The following LRRC75A variants were observed in gnomAD, a reference collection of about 807,000 sequenced individuals.
The protein encoded by LRRC75A is leucine rich repeat containing 75A.
In LRRC75A, 12 loss-of-function variants were observed where a neutral mutation model predicts 26.0. That is an observed-to-expected ratio of 0.46 (90% CI 0.30 to 0.75). The LOEUF is 0.75. Among genes scored for constraint, LRRC75A ranks in the 30% least tolerant of loss-of-function variants. The pLI is 0.08. For synonymous variants in LRRC75A, 223 were observed against 219.3 expected (o/e 1.02, Z -0.15); for missense variants, 410 against 486.6 (o/e 0.84, Z 1.48).
At position 16,491,977 on chromosome 17, in the gene LRRC75A, T is replaced by A. The variant is rs2093858580; in HGVS notation, c.14A>T (p.Gln5Leu). 8.4e-7 allele frequency: 1 copy of A among 1,185,990 alleles called. No individual in the cohort carries two copies. Among genetic ancestry groups the A allele is most frequent in the South Asian group, 3.9e-5 (1 of 25,784 alleles). 73.5% of individuals were successfully genotyped at this position (1,185,990 alleles called of 1,614,324 possible). ...TCTCTCCGCCAGGCTGCCCTTGGTC[T>A]GCCGGGTGCCCATGCCGCCGCCGCC... Reference protein sequence around the residue: MGTRQTKGSLAERAS... With the variant: MGTRLTKGSLAERAS... The change falls in exon 1 of 4, where the codon CAG becomes CTG. Residue 5 changes from glutamine (Q) to leucine (L), a missense_variant. Gln to Leu is a moderately radical substitution (Grantham distance 113, BLOSUM62 -2). Coordinates refer to ENST00000470794, the MANE Select transcript of LRRC75A (RefSeq NM_001113567.3). The surrounding 1 kb of genome is among the most constrained non-coding windows in gnomAD (Gnocchi z 5.9).
chr17:16,488,581 C>A (rs190904856), intron 1 of LRRC75A, among the ~76,000 whole-genome samples: 1 of 152,340 alleles, frequency 6.6e-6, no homozygotes, highest in Admixed American at 6.5e-5. Flanking sequence ...CAAAGAAACA[C>A]AACTCAGAGA....
chr17:16,469,030 G>A (rs571041191), intron 1 of LRRC75A, among the ~76,000 whole-genome samples: 1 of 152,200 alleles, frequency 6.6e-6, no homozygotes, highest in Non-Finnish European at 1.5e-5. Flanking sequence ...GTTTCCTTTG[G>A]ATTTACTTTC....
At chr17:16,466,180 G>A (rs950564889) in intron 1 of LRRC75A, among the ~76,000 whole-genome samples, 1 of 152,234 alleles carries the variant, frequency 6.6e-6, no homozygotes, top group Non-Finnish European at 1.5e-5. Context: ...CAGGCTATTG[G>A]AGATGATGGT....
At chr17:16,482,246 G>A (rs116520129) in intron 1 of LRRC75A, among the ~76,000 whole-genome samples, 455 of 152,308 alleles carry the variant, frequency 3.0e-3, no homozygotes, top group African/African-American at 0.011. Context: ...GCAAGTGCTG[G>A]CTCCCTGTGG....
At chr17:16,484,553 A>G (rs1389470087) in intron 1 of LRRC75A, among the ~76,000 whole-genome samples, 1 of 151,976 alleles carries the variant, frequency 6.6e-6, no homozygotes, top group East Asian at 1.9e-4. Context: ...TCCAGTTCTC[A>G]TGGCCCCACT....
chr17:16,481,612 C>G (rs1375708500), intron 1 of LRRC75A, among the ~76,000 whole-genome samples: 1 of 152,124 alleles, frequency 6.6e-6, no homozygotes, highest in Admixed American at 6.5e-5. Flanking sequence ...CTGGCTACCC[C>G]CTGCCTCCCC....
At chr17:16,482,397 G>A (rs1317524483) in intron 1 of LRRC75A, among the ~76,000 whole-genome samples, 1 of 152,160 alleles carries the variant, frequency 6.6e-6, no homozygotes, top group Non-Finnish European at 1.5e-5. Context: ...CGAGATAGCT[G>A]GGGGCTCTTC....
intron 2 of LRRC75A, among the ~76,000 whole-genome samples, chr17:16,458,994 G>A (rs1007766516): frequency 1.3e-5 from 2 of 152,214 alleles, no homozygotes; most frequent in African/African-American, 4.8e-5. Flanking sequence ...CCCTGCCTCT[G>A]GCAATACAGC....
At chr17:16,485,679 T>TGTGTGTGTGTGTGTTC (rs2093845326) in intron 1 of LRRC75A, among the ~76,000 whole-genome samples, 1 of 138,326 alleles carries the variant, frequency 7.2e-6, no homozygotes, top group African/African-American at 2.9e-5. Flanking sequence ...TTCGTGTGTG[T>TGTGTGTGTGTGTGTTC]GTGTGTGTGT....
chr17:16,445,858 T>C (rs1299323579), intron 3 of LRRC75A, among the ~76,000 whole-genome samples: 1 of 152,204 alleles, frequency 6.6e-6, no homozygotes, highest in African/African-American at 2.4e-5. Flanking sequence ...ACTTACCAGT[T>C]GGGTGATCCT....
chr17:16,452,432 AT>A lies in LRRC75A; in HGVS notation c.376-4473del, dbSNP rs34922220. Reference sequence around the variant, plus strand: ...ATGGGTGGGTGGCTCAGGCACAGGGATTTTTTTTTTTTTCTTTTTGTTTGAG... The same window carrying A: ...ATGGGTGGGTGGCTCAGGCACAGGGATTTTTTTTTTTTCTTTTTGTTTGAG... On this transcript the variant is annotated intron_variant, in intron 2 of 3. Transcript: ENST00000470794. Among the ~76,000 whole-genome samples the A allele has an allele frequency of 5.4e-3, 789 of 144,920 alleles. 3 individuals carry two copies. The highest frequency in any genetic ancestry group is 0.011 in the Middle Eastern group (3 of 284).
chr17:16,456,460 GAGGAGA>G (rs1433275323), intron 2 of LRRC75A, among the ~76,000 whole-genome samples: 1 of 142,512 alleles, frequency 7.0e-6, no homozygotes, highest in East Asian at 2.0e-4. Flanking sequence ...AGAGGAAGAA[GAGGAGA>G]AGGAGAAAGA....
In LRRC75A at chr17:16,447,865, C is replaced by T. The variant is rs1301474283; in HGVS notation, c.471G>A (p.Val157=). 1 of 1,548,164 alleles carries T rather than the reference C, an allele frequency of 6.5e-7. No homozygotes were observed. Among genetic ancestry groups the T allele is most frequent in the East Asian group, 2.4e-5 (1 of 40,894 alleles). The change falls in exon 3 of 4, where the codon GTG becomes GTA. Residue 157 remains valine, a synonymous_variant. Transcript: ENST00000470794. ...CTCACCAGGCCTGTGGCTTCCTTTT[C>T]ACCAGCCCCCGGTGCCGCCTCCACT... is the stretch of plus-strand genomic sequence containing the variant. ...HSQWRRHRGL[V]KRKPQACLKA...
chr17:16,449,256 C>A (rs892536940), intron 2 of LRRC75A, among the ~76,000 whole-genome samples: 4 of 152,196 alleles, frequency 2.6e-5, no homozygotes, highest in African/African-American at 9.7e-5. Flanking sequence ...ATTCCCACAC[C>A]CCTCTGCTAG....
At chr17:16,458,244 T>C (rs2093700223) in intron 2 of LRRC75A, among the ~76,000 whole-genome samples, 1 of 150,858 alleles carries the variant, frequency 6.6e-6, no homozygotes, top group Non-Finnish European at 1.5e-5. Flanking sequence ...GAGGCAGAGG[T>C]TGCAGCGAGT....
At position 16,486,532 on chromosome 17, in the gene LRRC75A, A is replaced by T. The variant is rs565985933; in HGVS notation, c.246+5213T>A. On this transcript the variant is annotated intron_variant, in intron 1 of 3. Transcript: ENST00000470794. ...GCCCAGGCAGAGAGCGGCGGATTTT[A>T]AAAAGGAAGGTTTCTCTTTGTGAAG... 2.6e-5 allele frequency among the ~76,000 whole-genome samples: 4 copies of T among 152,320 alleles called. No homozygotes were observed. In the South Asian group the frequency reaches 8.3e-4, roughly 32 times the overall value.
chr17:16,453,694 C>T (rs373919332), intron 2 of LRRC75A, among the ~76,000 whole-genome samples: 349 of 152,276 alleles, frequency 2.3e-3, no homozygotes, highest in Middle Eastern at 0.01. Context: ...GCTCAGAACA[C>T]AATTCCAAAG....
intron 2 of LRRC75A, among the ~76,000 whole-genome samples, chr17:16,451,466 C>T (rs1434992904): frequency 6.6e-6 from 1 of 151,896 alleles, no homozygotes; most frequent in South Asian, 2.1e-4. Flanking sequence ...ACTAAGAATA[C>T]AAAAATTAGC....
At chr17:16,457,384 A>T (rs1469469659) in intron 2 of LRRC75A, among the ~76,000 whole-genome samples, 2 of 152,208 alleles carry the variant, frequency 1.3e-5, no homozygotes, top group East Asian at 3.8e-4. Context: ...TAGAGACTGC[A>T]TCACTGGGCT....
Sources: gnomAD v4.1 joint callset for allele counts (sites outside exome capture counted in the v4.1 genomes callset) on GRCh38, gnomAD v4.1.1 for gene constraint, Gnocchi (gnomAD v3.1) non-coding constraint, MANE v1.5 for transcripts, NCBI Gene and HGNC (gene_info 2026-07-23, HGNC 2026-07-21) for gene names.